Variants in ZMIZ1 observed in about 807,000 individuals in gnomAD.
ZMIZ1 encodes zinc finger MIZ-type containing 1.
In ZMIZ1, 17 loss-of-function variants were observed where a neutral mutation model predicts 113.9. That is an observed-to-expected ratio of 0.15 (90% confidence interval 0.10 to 0.22). The LOEUF is 0.22. Among genes scored for constraint, ZMIZ1 ranks in the 10% least tolerant of loss-of-function variants. The pLI, the probability that ZMIZ1 is intolerant of heterozygous loss-of-function variation, is 1.00. For missense variants in ZMIZ1, 1,059 were observed against 1,477.8 expected (o/e 0.72, Z 4.65); for synonymous variants, 607 against 603.1 (o/e 1.01, Z -0.09).
chr10:79,305,875 G>A (rs1341369264), intron 21 of ZMIZ1, among the ~76,000 whole-genome samples: 27 of 152,168 alleles, frequency 1.8e-4, no homozygotes, highest in Admixed American at 1.8e-3. Flanking sequence ...AGCCCTTGAG[G>A]CCAGCTGCCC....
At chr10:79,071,102 G>A (rs1842267962) in intron 1 of ZMIZ1, among the ~76,000 whole-genome samples, 2 of 152,164 alleles carry the variant, frequency 1.3e-5, no homozygotes, top group Admixed American at 1.3e-4. Context: ...TGGGAGAGTA[G>A]GGCCCAGCCC....
At chr10:79,192,020 GAA>G (rs1847628811) in intron 4 of ZMIZ1, among the ~76,000 whole-genome samples, 1 of 152,206 alleles carries the variant, frequency 6.6e-6, no homozygotes, top group Non-Finnish European at 1.5e-5. Context: ...GGGAATGAGA[GAA>G]AGCCCAAGGG....
rs2079670075 is a variant in ZMIZ1 at position 79,296,588 on chromosome 10, A to T, written c.1348A>T (p.Met450Leu). The stretch of plus-strand genomic sequence containing the variant: ...CTCCCCCAACTACCCAGGACAGAGG[A>T]TGCCCAGCCAGCCGAGCTCCGGGCA... The part of the protein sequence containing the change: ...LTSPNYPGQR[M>L]PSQPSSGQYP... The change falls in exon 13 of 25, where the codon ATG becomes TTG. Residue 450 changes from methionine to leucine, a missense_variant. This residue lies in a region of ZMIZ1 where 239 missense variants were observed against 247.5 expected (regional missense o/e 0.97). Coordinates refer to ENST00000334512, the MANE Select transcript of ZMIZ1 (RefSeq NM_020338.4). The surrounding 1 kb of genome is among the most constrained non-coding windows in gnomAD (Gnocchi z 4.1). 6.2e-7 allele frequency: 1 copy of T among 1,601,278 alleles called. No individual in the cohort carries two copies. The highest frequency in any genetic ancestry group is 8.5e-7 in the Non-Finnish European group (1 of 1,174,010).
At chr10:79,180,984 T>C (rs1057183063) in intron 4 of ZMIZ1, among the ~76,000 whole-genome samples, 1 of 152,134 alleles carries the variant, frequency 6.6e-6, no homozygotes, top group African/African-American at 2.4e-5. Flanking sequence ...TTTTTTCTGA[T>C]GGGGAAACAG....
intron 22 of ZMIZ1, among the ~76,000 whole-genome samples, chr10:79,307,173 C>A (rs1395596473): frequency 6.6e-6 from 1 of 152,132 alleles, no homozygotes; most frequent in South Asian, 2.1e-4. Flanking sequence ...CCCACTCTGC[C>A]CCCTCCTCCA....
chr10:79,219,203 T>C (rs1848861748), intron 7 of ZMIZ1, among the ~76,000 whole-genome samples: 1 of 152,050 alleles, frequency 6.6e-6, no homozygotes, highest in Non-Finnish European at 1.5e-5. Flanking sequence ...GAAGGAGACC[T>C]GGAGAATGGG....
rs200879071 is a variant in ZMIZ1 at position 79,176,107 on chromosome 10, G to GGGAT, written c.-50+13977_-50+13980dup. On this transcript the variant is annotated intron_variant, in intron 4 of 24. Transcript: ENST00000334512. ...GGGCTGGAGGACACAATGGAGGGAG[G>GGGAT]GGATGGGGCAGCCACACAGACCGCA... Among the ~76,000 whole-genome samples, 959 of 152,102 alleles carry GGGAT rather than the reference G, an allele frequency of 6.3e-3. 17 individuals carry two copies. Among genetic ancestry groups the GGGAT allele is most frequent in the African/African-American group, 0.022 (922 of 41,530 alleles).
intron 1 of ZMIZ1, among the ~76,000 whole-genome samples, chr10:79,076,709 C>T (rs969940685): frequency 3.3e-5 from 5 of 152,118 alleles, no homozygotes; most frequent in African/African-American, 7.2e-5. Flanking sequence ...TGGTGGTGCA[C>T]GCTTGTAGTC....
intron 4 of ZMIZ1, 94 bp from the exon 5 acceptor site, chr10:79,201,490 C>A: frequency 1.1e-6 from 1 of 912,040 alleles, no homozygotes; most frequent in Non-Finnish European, 1.7e-6. Context: ...GACTCTGGAA[C>A]CTGCCAGTGT....
At chr10:79,135,114 G>A (rs1371564128) in intron 2 of ZMIZ1, among the ~76,000 whole-genome samples, 5 of 152,232 alleles carry the variant, frequency 3.3e-5, no homozygotes, top group Non-Finnish European at 7.3e-5. Context: ...ACTGCACCTG[G>A]TTGATACATT....
rs977701190 is a variant in ZMIZ1 at position 79,296,936 on chromosome 10, A to G, written c.1413+283A>G. On this transcript the variant is annotated intron_variant, in intron 13 of 24. Coordinates refer to ENST00000334512, the MANE Select transcript of ZMIZ1 (RefSeq NM_020338.4). This position sits in a 1 kb window ranked among gnomAD's most constrained non-coding sequence, Gnocchi z 4.1. ...AATAATAAAGGAAATATATTTTATT[A>G]AAAAAACACACATCCCCTGTATATA... The G allele has an allele frequency of 3.0e-6, 1 of 328,380 alleles. No homozygotes were observed. Among genetic ancestry groups the G allele is most frequent in the East Asian group, 5.1e-5 (1 of 19,436 alleles). 20.3% of individuals were successfully genotyped at this position (328,380 alleles called of 1,614,324 possible). A position where few individuals can be genotyped will look rare whatever the true frequency, so the allele number is the denominator to read the frequency against.
intron 7 of ZMIZ1, among the ~76,000 whole-genome samples, chr10:79,266,133 C>T (rs1383746343): frequency 6.6e-6 from 1 of 152,248 alleles, no homozygotes; most frequent in Admixed American, 6.5e-5. Flanking sequence ...CAGTGCCCAC[C>T]CCCTGTCTTT....
intron 18 of ZMIZ1, among the ~76,000 whole-genome samples, chr10:79,303,349 A>C (rs1406049555): frequency 6.6e-6 from 1 of 151,286 alleles, no homozygotes; most frequent in Non-Finnish European, 1.5e-5. Flanking sequence ...AGCTGCTCAG[A>C]AGGCTGAGGT....
intron 7 of ZMIZ1, among the ~76,000 whole-genome samples, chr10:79,239,785 G>T (rs1849733254): frequency 6.6e-6 from 1 of 152,072 alleles, no homozygotes; most frequent in South Asian, 2.1e-4. Context: ...TTTTTACTGG[G>T]TAATGCTGGG....
At chr10:79,082,848 T>C (rs1842701933) in intron 1 of ZMIZ1, among the ~76,000 whole-genome samples, 1 of 152,164 alleles carries the variant, frequency 6.6e-6, no homozygotes, top group Non-Finnish European at 1.5e-5. Flanking sequence ...GTCCTGCTGG[T>C]GGGGCCTCGT....
chr10:79,285,355 A>G lies in ZMIZ1; in HGVS notation c.426-4420A>G, dbSNP rs185957167. ...GCAGCCAGCAGTTTCAGGGTGTCCA[A>G]GGTGTGCGGGACTCTGGGCCTCATA... On this transcript the variant is annotated intron_variant, in intron 8 of 24. Coordinates refer to ENST00000334512, the MANE Select transcript of ZMIZ1 (RefSeq NM_020338.4). 6 of 404,918 alleles carry G rather than the reference A, an allele frequency of 1.5e-5. No individual in the cohort carries two copies. In the East Asian group the frequency reaches 2.9e-4, roughly 20 times the overall value. The allele number at this position is 404,918 out of a possible 1,614,324, so 25.1% of individuals were successfully genotyped here. A position where few individuals can be genotyped will look rare whatever the true frequency, so the allele number is the denominator to read the frequency against.
At chr10:79,137,965 G>T (rs967603520) in intron 2 of ZMIZ1, among the ~76,000 whole-genome samples, 1 of 152,134 alleles carries the variant, frequency 6.6e-6, no homozygotes, top group Non-Finnish European at 1.5e-5. Context: ...GTGGTAAACC[G>T]ATCTGGCTTC....
chr10:79,244,435 G>A (rs576195088), intron 7 of ZMIZ1, among the ~76,000 whole-genome samples: 3 of 152,326 alleles, frequency 2.0e-5, no homozygotes, highest in South Asian at 4.1e-4. Context: ...TTTGGTATTG[G>A]TGTCTTCGAA....
At position 79,296,551 on chromosome 10, in the gene ZMIZ1, G is replaced by T. The variant is rs199771760; in HGVS notation, c.1311G>T (p.Pro437=). The T allele has an allele frequency of 7.4e-7, 1 of 1,355,180 alleles. No individual in the cohort carries two copies. Among genetic ancestry groups the T allele is most frequent in the South Asian group, 1.2e-5 (1 of 84,794 alleles). The allele number at this position is 1,355,180 out of a possible 1,614,324, so 83.9% of individuals were successfully genotyped here. A position where few individuals can be genotyped will look rare whatever the true frequency, so the allele number is the denominator to read the frequency against. ...QPGQYPAPNP[P]RPLTSPNYPG... is the part of the protein sequence containing the mutation. ...GCCAGTACCCAGCCCCCAACCCCCC[G>T]AGGCCACTCACCTCCCCCAACTACC... The change falls in exon 13 of 25, where the codon CCG becomes CCT. Residue 437 remains proline, a synonymous_variant. Coordinates refer to ENST00000334512, the MANE Select transcript of ZMIZ1 (RefSeq NM_020338.4). The surrounding 1 kb of genome is among the most constrained non-coding windows in gnomAD (Gnocchi z 4.1).
Sources: allele counts gnomAD v4.1 joint callset (sites outside exome capture counted in the v4.1 genomes callset), GRCh38; gene constraint gnomAD v4.1.1; regional missense constraint gnomAD v4.1.1; non-coding constraint Gnocchi (gnomAD v3.1); transcripts MANE v1.5; gene names NCBI Gene and HGNC (gene_info 2026-07-23, HGNC 2026-07-21).